The following USP48 variants were observed in gnomAD, a reference collection of about 807,000 sequenced individuals.
The protein encoded by USP48 is ubiquitin carboxyl-terminal hydrolase 48.
A neutral mutation model predicts 150.7 loss-of-function variants in USP48; 43 were observed. The ratio of observed to expected loss-of-function variants is 0.29; its 90% confidence interval spans 0.22 to 0.37. USP48 has a LOEUF of 0.37. Ranked by LOEUF, USP48 falls within the 10% of genes least tolerant of loss-of-function variation. The pLI, the probability that USP48 is intolerant of heterozygous loss-of-function variation, is 1.00. For synonymous variants in USP48, 396 were observed against 425.9 expected, an observed-to-expected ratio of 0.93 and a Z score of 0.86; for missense variants, 813 against 1,249.6, an observed-to-expected ratio of 0.65 and a Z score of 5.27.
chr1:21,682,809 A>G (rs2097569800), intron 25 of USP48, among the ~76,000 whole-genome samples: 1 of 151,098 alleles, frequency 6.6e-6, no homozygotes, highest in South Asian at 2.1e-4. Context: ...CAGGACGGGG[A>G]GATTGTAGTG....
At chr1:21,714,414 C>A (rs905052609) in intron 15 of USP48, among the ~76,000 whole-genome samples, 36 of 152,270 alleles carry the variant, frequency 2.4e-4, no homozygotes, top group African/African-American at 8.7e-4. Context: ...AAACTGCAGG[C>A]ACATACCACC....
At chr1:21,711,038 A>G (rs2097688766) in intron 15 of USP48, among the ~76,000 whole-genome samples, 1 of 152,034 alleles carries the variant, frequency 6.6e-6, no homozygotes. Context: ...CAAATGCCTC[A>G]GCCTCTTGAA....
At chr1:21,725,650 G>A (rs565841869) in intron 11 of USP48, among the ~76,000 whole-genome samples, 155 of 152,176 alleles carry the variant, frequency 1.0e-3, no homozygotes, top group African/African-American at 3.5e-3. Context: ...CTATTCGGGA[G>A]GCTGAGGCAG....
intron 15 of USP48, 165 bp downstream of exon 15, chr1:21,715,224 C>G: frequency 1.9e-6 from 1 of 534,458 alleles, no homozygotes; most frequent in Non-Finnish European, 3.4e-6. Context: ...GAACAAGTGA[C>G]AAGAAGTTTC....
At chr1:21,735,975 T>A (rs571055741) in intron 9 of USP48, among the ~76,000 whole-genome samples, 4 of 151,828 alleles carry the variant, frequency 2.6e-5, no homozygotes, top group South Asian at 4.2e-4. Flanking sequence ...CTCAGGAGGC[T>A]GAGGCACGAG....
At chr1:21,724,125 T>C in intron 11 of USP48, 30 bp from the exon 12 acceptor site, 2 of 1,605,580 alleles carry the variant, frequency 1.2e-6, no homozygotes, top group South Asian at 1.1e-5. Context: ...AAAGAGCCTA[T>C]GTATTTTTAC....
intron 22 of USP48, among the ~76,000 whole-genome samples, chr1:21,698,889 G>C (rs1471900910): frequency 1.3e-5 from 2 of 151,356 alleles, no homozygotes; most frequent in Non-Finnish European, 2.9e-5. Context: ...AGCAATACTT[G>C]GTCTCAAAAT....
intron 2 of USP48, 122 bp from the exon 3 acceptor site, chr1:21,756,824 G>A (rs2097837115): frequency 1.4e-6 from 2 of 1,448,976 alleles, no homozygotes; most frequent in East Asian, 5.3e-5. Context: ...ACATGGTATA[G>A]CCACCTTAAG....
At chr1:21,699,671 G>A (rs140790710) in intron 22 of USP48, among the ~76,000 whole-genome samples, 1,862 of 151,622 alleles carry the variant, frequency 0.012, 23 homozygotes, top group Middle Eastern at 0.078. Flanking sequence ...CCGCCACCAC[G>A]CCCGGCTAAT....
Position 21,706,146 on chromosome 1 carries a change from T to G in USP48, c.2253A>C (p.Glu751Asp), listed in dbSNP as rs749142118. ...TCTACCTAACAAATTTCCGCCACTC[T>G]TCTACAAAGAACTGAGACACGATGT... ...VLYIVSQFFV[E>D]EWRKFVRKPT... The change falls in exon 18 of 27, where the codon GAA (glutamate) becomes GAC (aspartate). Residue 751 changes from glutamate (E) to aspartate (D), a missense_variant. Physicochemically the swap from Glu to Asp is conservative, Grantham distance 45. Transcript: ENST00000308271. 2 of 1,613,914 alleles carry G rather than the reference T, an allele frequency of 1.2e-6. No individual in the cohort carries two copies. The highest frequency in any genetic ancestry group is 1.7e-6 in the Non-Finnish European group (2 of 1,179,922).
chr1:21,688,452 C>A (rs1257183459), intron 24 of USP48, among the ~76,000 whole-genome samples: 2 of 151,780 alleles, frequency 1.3e-5, no homozygotes, highest in Admixed American at 1.3e-4. Context: ...AACTCCTGAC[C>A]TCATGATCCA....
chr1:21,748,239 A>T lies in USP48; in HGVS notation c.807T>A (p.Phe269Leu), dbSNP rs1352561215. 1 of 1,613,548 alleles carries T rather than the reference A, an allele frequency of 6.2e-7. No homozygotes were observed. Residue 269 changes from phenylalanine to leucine, a missense_variant, in exon 7 of 27, where the codon TTT becomes TTA. Coordinates refer to ENST00000308271, the MANE Select transcript of USP48 (RefSeq NM_032236.8). ...EEKLEGDNRY[F>L]CENCQSKQNA... is the part of the protein sequence containing the mutation. Reference sequence around the variant, plus strand: ...TCTGTTTGCTTTGACAGTTCTCGCAAAAATAGCGATTGTCTCCTTCTAATT... The same window carrying T: ...TCTGTTTGCTTTGACAGTTCTCGCATAAATAGCGATTGTCTCCTTCTAATT...
At chr1:21,728,992 T>C (rs1042193597) in intron 10 of USP48, among the ~76,000 whole-genome samples, 9 of 152,080 alleles carry the variant, frequency 5.9e-5, no homozygotes, top group African/African-American at 2.2e-4. Context: ...CACTTTAGAA[T>C]AGATGACGCC....
At chr1:21,778,385 T>C (rs187540915) in intron 1 of USP48, among the ~76,000 whole-genome samples, 127 of 152,036 alleles carry the variant, frequency 8.4e-4, no homozygotes, top group Non-Finnish European at 1.5e-3. Context: ...GTAACAAGTA[T>C]AGGGACATAG....
chr1:21,715,047 G>A lies in USP48; in HGVS notation c.1963+342C>T, dbSNP rs933432392. ...CACTAAGCTAGGACAGTGACAGTCA[G>A]AGATCTTGTTGCACAGATAAAAAAA... On this transcript the variant is annotated intron_variant, in intron 15 of 26. Transcript: ENST00000308271. 6 of 200,766 alleles carry A rather than the reference G, an allele frequency of 3.0e-5. No homozygotes were observed. In the South Asian group the frequency reaches 4.2e-4, roughly 14 times the overall value. 12.4% of individuals were successfully genotyped at this position (200,766 alleles called of 1,614,324 possible).
chr1:21,759,353 A>G (rs1198700299), intron 1 of USP48, among the ~76,000 whole-genome samples: 1 of 152,160 alleles, frequency 6.6e-6, no homozygotes, highest in Non-Finnish European at 1.5e-5. Context: ...ACAGTTATCA[A>G]GCTCATTTAC....
At chr1:21,709,927 T>C (rs2097685946) in intron 15 of USP48, among the ~76,000 whole-genome samples, 2 of 152,142 alleles carry the variant, frequency 1.3e-5, no homozygotes, top group African/African-American at 4.8e-5. Context: ...TTTCCTATTA[T>C]TCTAATAATT....
chr1:21,745,308 TA>T (rs1324896634), intron 8 of USP48, among the ~76,000 whole-genome samples: 1 of 152,076 alleles, frequency 6.6e-6, no homozygotes, highest in Non-Finnish European at 1.5e-5. Flanking sequence ...TTCATTCATT[TA>T]TTTAAAAATT....
At chr1:21,757,598 A>G in intron 2 of USP48, 65 bp downstream of exon 2, 5 of 1,560,712 alleles carry the variant, frequency 3.2e-6, no homozygotes, top group Non-Finnish European at 4.3e-6. Flanking sequence ...TCACAGGCCC[A>G]AAACAAAAGC....
Sources: gnomAD v4.1 joint callset for allele counts (sites outside exome capture counted in the v4.1 genomes callset) on GRCh38, gnomAD v4.1.1 for gene constraint, MANE v1.5 for transcripts, NCBI Gene and HGNC (gene_info 2026-07-23, HGNC 2026-07-21) for gene names.